MPRIP: variants seen among roughly 807,000 people sequenced by gnomAD.
MPRIP encodes the protein myosin phosphatase Rho interacting protein, also known as myosin phosphatase Rho-interacting protein.
A neutral mutation model predicts 234.9 loss-of-function variants in MPRIP; 59 were observed. The observed-to-expected ratio is 0.25, with a 90% CI of 0.20 to 0.31. The LOEUF (loss-of-function observed/expected upper bound fraction) is 0.31. MPRIP is among the 10% of genes least tolerant of loss of function. MPRIP has a pLI of 1.00. For missense variants in MPRIP, 2,436 were observed against 3,071.0 expected, an observed-to-expected ratio of 0.79 and a Z score of 4.89; for synonymous variants, 1,144 against 1,263.9, an observed-to-expected ratio of 0.91 and a Z score of 2.01.
chr17:17,098,292 C>T (rs549664114), intron 3 of MPRIP, among the ~76,000 whole-genome samples: 1 of 152,306 alleles, frequency 6.6e-6, no homozygotes, highest in Non-Finnish European at 1.5e-5. Context: ...TCTCCACCAC[C>T]CATTTGGCCT....
At chr17:17,170,716 G>T (rs900393299) in intron 16 of MPRIP, 2 of 152,228 alleles carry the variant, frequency 1.3e-5, no homozygotes, top group East Asian at 3.8e-4. Context: ...AAAACTCAGC[G>T]AGAGGCCCAG....
At chr17:17,079,979 G>A (rs79827615) in intron 3 of MPRIP, among the ~76,000 whole-genome samples, 1,898 of 152,366 alleles carry the variant, frequency 0.012, 46 homozygotes, top group African/African-American at 0.044. Flanking sequence ...GAGTGCTCAG[G>A]CAGAGGTGGG....
chr17:17,129,098 T>G (rs2144406500), intron 4 of MPRIP, among the ~76,000 whole-genome samples: 1 of 152,186 alleles, frequency 6.6e-6, no homozygotes, highest in East Asian at 1.9e-4. Flanking sequence ...GGCTGCCGGG[T>G]CTCTCCTGGG....
At chr17:17,056,040 TGACTC>T (rs2088685565) in intron 1 of MPRIP, among the ~76,000 whole-genome samples, 2 of 152,196 alleles carry the variant, frequency 1.3e-5, no homozygotes. Flanking sequence ...TGTCTCCACA[TGACTC>T]GAGAGGACTG....
intron 1 of MPRIP, among the ~76,000 whole-genome samples, chr17:17,062,783 T>G (rs1360630907): frequency 3.9e-5 from 6 of 152,210 alleles, no homozygotes; most frequent in Admixed American, 3.9e-4. Flanking sequence ...GGTGTTGAGC[T>G]CTTCCCACAT....
chr17:17,181,872 G>C (rs1302429616), intron 23 of MPRIP: 1 of 148,788 alleles, frequency 6.7e-6, no homozygotes, highest in Non-Finnish European at 1.5e-5. Context: ...GCCAGAGCAG[G>C]GATGAGGGAG....
At chr17:17,054,632 A>G (rs977387169) in intron 1 of MPRIP, among the ~76,000 whole-genome samples, 1 of 152,056 alleles carries the variant, frequency 6.6e-6, no homozygotes, top group South Asian at 2.1e-4. Flanking sequence ...GAGAGCACAC[A>G]AACTCCACAC....
At position 17,161,296 on chromosome 17, in the gene MPRIP, G is replaced by C; in HGVS notation, c.2457G>C (p.Gln819His). The change falls in exon 15 of 24, where the codon CAG becomes CAC. Residue 819 changes from glutamine to histidine, a missense_variant. Gln to His is a conservative substitution (Grantham distance 24). Transcript: ENST00000651222. ...TTCTGGAGCAGAACCGGCTCCTGCA[G>C]GACCAGCTGAGGGTGGCCCTGGGCC... ...SDLLEQNRLL[Q>H]DQLRVALGRE... is the part of the protein sequence containing the mutation. The C allele has an allele frequency of 6.3e-7, 1 of 1,599,244 alleles. No individual in the cohort carries two copies. The highest frequency in any genetic ancestry group is 1.1e-5 in the South Asian group (1 of 89,340).
chr17:17,136,512 C>T (rs1332209499), intron 6 of MPRIP, 62 bp downstream of exon 6: 4 of 1,495,374 alleles, frequency 2.7e-6, no homozygotes, highest in Middle Eastern at 1.7e-4. Context: ...TCAGAGCTGG[C>T]CCTGGGGATT....
intron 1 of MPRIP, among the ~76,000 whole-genome samples, chr17:17,050,903 G>A (rs1370953821): frequency 6.6e-6 from 1 of 152,196 alleles, no homozygotes; most frequent in Non-Finnish European, 1.5e-5. Context: ...TTATGTAATT[G>A]CACCCTAGCT....
chr17:17,119,954 A>G (rs992174439), intron 3 of MPRIP, among the ~76,000 whole-genome samples: 3 of 152,212 alleles, frequency 2.0e-5, no homozygotes, highest in African/African-American at 2.4e-5. Flanking sequence ...TTTGTGAAAC[A>G]TGCTGTCTCA....
chr17:17,085,273 C>T (rs2089560254), intron 3 of MPRIP, among the ~76,000 whole-genome samples: 1 of 152,178 alleles, frequency 6.6e-6, no homozygotes, highest in African/African-American at 2.4e-5. Context: ...CTCAGCTGCT[C>T]ATTTCTATTT....
Position 17,136,443 on chromosome 17 carries a change from C to G in MPRIP, c.729C>G (p.Ser243Arg), listed in dbSNP as rs974008578. Residue 243 changes from serine to arginine, a missense_variant, in exon 6 of 24, where the codon AGC becomes AGG. By Grantham distance (110) the Ser-to-Arg change is moderately radical. This residue lies in a region of MPRIP where 267 missense variants were observed against 252.7 expected (regional missense o/e 1.06). Transcript: ENST00000651222. ...ASSLREPGLE[S>R]KEEESAMSSD... ...CCCTGCGGGAACCTGGGCTAGAGAG[C>G]AAAGAAGGTGAGCGGAGGCCAGGCT... 1 of 1,609,432 alleles carries G rather than the reference C, an allele frequency of 6.2e-7. No individual in the cohort carries two copies. Among genetic ancestry groups the G allele is most frequent in the Non-Finnish European group, 8.5e-7 (1 of 1,177,790 alleles).
At chr17:17,109,306 A>G (rs1050025631) in intron 3 of MPRIP, among the ~76,000 whole-genome samples, 6 of 152,250 alleles carry the variant, frequency 3.9e-5, no homozygotes, top group African/African-American at 1.2e-4. Flanking sequence ...TGGAGTCTGC[A>G]AGCCAAGAGG....
chr17:17,052,767 G>A (rs1455432924), intron 1 of MPRIP, among the ~76,000 whole-genome samples: 2 of 152,192 alleles, frequency 1.3e-5, no homozygotes, highest in Non-Finnish European at 2.9e-5. Context: ...GGCCTAGGCA[G>A]CAGCCACACC....
chr17:17,165,603 T>C lies in MPRIP; in HGVS notation c.4012T>C (p.Ser1338Pro). 1 of 1,304,740 alleles carries C rather than the reference T, an allele frequency of 7.7e-7. No individual in the cohort carries two copies. Among genetic ancestry groups the C allele is most frequent in the Middle Eastern group, 2.1e-4 (1 of 4,704 alleles). The allele number at this position is 1,304,740 out of a possible 1,614,324, so 80.8% of individuals were successfully genotyped here. The change falls in exon 16 of 24, where the codon TCT becomes CCT. Residue 1338 changes from serine to proline, a missense_variant. This residue lies in a region of MPRIP where 1,998 missense variants were observed against 2,520.3 expected (regional missense o/e 0.79). Transcript: ENST00000651222. ...CCAAAGATACATTCACCCCGAAGGGTCTGAGAAGACCTGGACCAGCAGCAC... is the reference window on the plus strand; with the variant it reads ...CCAAAGATACATTCACCCCGAAGGGCCTGAGAAGACCTGGACCAGCAGCAC... ...QCQRYIHPEG[S>P]EKTWTSSTSS...
intron 3 of MPRIP, among the ~76,000 whole-genome samples, chr17:17,089,992 C>T (rs1471509860): frequency 6.6e-6 from 1 of 151,470 alleles, no homozygotes; most frequent in Non-Finnish European, 1.5e-5. Flanking sequence ...TAGAGCGCAG[C>T]AGACACGACG....
In MPRIP at chr17:17,167,180, C is replaced by T. The variant is rs1199932229; in HGVS notation, c.5589C>T (p.Leu1863=). ...CRIRLEYEKE[L]QLCKESWQTR... ...TCCGGCTAGAATATGAGAAGGAGCT[C>T]CAGCTCTGCAAGGAGTCCTGGCAAA... The change falls in exon 16 of 24, where the codon CTC becomes CTT. Residue 1863 remains leucine (L), a synonymous_variant. Coordinates refer to ENST00000651222, the MANE Select transcript of MPRIP (RefSeq NM_001364716.4). The surrounding 1 kb of genome is among the most constrained non-coding windows in gnomAD (Gnocchi z 5.9). The T allele has an allele frequency of 7.7e-7, 1 of 1,304,114 alleles. No individual in the cohort carries two copies. Among genetic ancestry groups the T allele is most frequent in the Non-Finnish European group, 1.0e-6 (1 of 988,944 alleles). 80.8% of individuals were successfully genotyped at this position (1,304,114 alleles called of 1,614,324 possible).
chr17:17,123,915 G>GTACTTA (rs1315746976), intron 3 of MPRIP, among the ~76,000 whole-genome samples: 41 of 152,170 alleles, frequency 2.7e-4, no homozygotes, highest in African/African-American at 9.4e-4. Flanking sequence ...GGTGATGCCC[G>GTACTTA]CCTCACAGTA....
Sources: gnomAD v4.1 joint callset for allele counts (sites outside exome capture counted in the v4.1 genomes callset) on GRCh38, gnomAD v4.1.1 for gene constraint, gnomAD v4.1.1 regional missense constraint, Gnocchi (gnomAD v3.1) non-coding constraint, MANE v1.5 for transcripts, NCBI Gene and HGNC (gene_info 2026-07-23, HGNC 2026-07-21) for gene names.